COL15A1: variants seen among roughly 807,000 people sequenced by gnomAD.
COL15A1 encodes collagen type XV alpha 1 chain.
In COL15A1, 111 loss-of-function variants were observed where a neutral mutation model predicts 165.9. The observed-to-expected ratio is 0.67, with a 90% CI of 0.57 to 0.78. The LOEUF is 0.78. Among genes scored for constraint, COL15A1 ranks in the 30% least tolerant of loss-of-function variants. The probability of loss-of-function intolerance (pLI) is 0.00; values close to 1 mark genes in which losing one functional copy is unlikely to be tolerated. For synonymous variants in COL15A1, 659 were observed against 674.8 expected (o/e 0.98, Z 0.36); for missense variants, 1,745 against 1,789.7 (o/e 0.98, Z 0.45).
chr9:99,060,358 G>A (rs1288765748), intron 36 of COL15A1, among the ~76,000 whole-genome samples: 1 of 150,506 alleles, frequency 6.6e-6, no homozygotes, highest in Non-Finnish European at 1.5e-5. Flanking sequence ...ACCTCCCTGA[G>A]CTCAGGTAAT....
chr9:99,036,799 C>T (rs1222736187), intron 21 of COL15A1, among the ~76,000 whole-genome samples: 1 of 152,236 alleles, frequency 6.6e-6, no homozygotes, highest in African/African-American at 2.4e-5. Context: ...AAGGCCTTCA[C>T]CCAGTGGGAG....
In COL15A1 at chr9:99,070,015, C is replaced by A. The variant is rs1825960617; in HGVS notation, c.*129C>A. ...TTTTACTACATATTCTTTACAACAG[C>A]AACCAAAGAAAACATACCTCAATAC... On this transcript the variant is annotated 3_prime_UTR_variant, in exon 42 of 42. Coordinates refer to ENST00000375001, the MANE Select transcript of COL15A1 (RefSeq NM_001855.5). 2.4e-5 allele frequency: 18 copies of A among 736,246 alleles called. No individual in the cohort carries two copies. In the South Asian group the frequency reaches 3.4e-4, roughly 14 times the overall value. The allele number at this position is 736,246 out of a possible 1,614,324, so 45.6% of individuals were successfully genotyped here.
At chr9:99,025,809 AC>A in intron 15 of COL15A1, 94 bp from the exon 16 acceptor site, 1 of 1,361,450 alleles carries the variant, frequency 7.3e-7, no homozygotes. Flanking sequence ...CACCAGCCTC[AC>A]CTGCCTCCCA....
intron 2 of COL15A1, among the ~76,000 whole-genome samples, chr9:98,965,631 C>A (rs561628943): frequency 7.2e-5 from 11 of 152,180 alleles, no homozygotes; most frequent in Non-Finnish European, 1.6e-4. Context: ...CCTTGTTTTC[C>A]TAATTGTGTG....
At chr9:98,980,617 C>A (rs1838222056) in intron 2 of COL15A1, among the ~76,000 whole-genome samples, 1 of 152,208 alleles carries the variant, frequency 6.6e-6, no homozygotes, top group South Asian at 2.1e-4. Flanking sequence ...GCCTGGTCAG[C>A]CCTGGCCCTG....
chr9:99,059,449 A>C (rs112053546), intron 35 of COL15A1, among the ~76,000 whole-genome samples: 3,549 of 152,118 alleles, frequency 0.023, 126 homozygotes, highest in African/African-American at 0.079. Context: ...TCACTGCACC[A>C]CCCTGGTCTC....
chr9:98,972,253 T>C (rs993405254), intron 2 of COL15A1, among the ~76,000 whole-genome samples: 1 of 152,134 alleles, frequency 6.6e-6, no homozygotes, highest in African/African-American at 2.4e-5. Flanking sequence ...CCCAGGCAGT[T>C]AGCCCTTACC....
chr9:99,050,886 C>T (rs1421699277), intron 30 of COL15A1, among the ~76,000 whole-genome samples: 1 of 152,212 alleles, frequency 6.6e-6, no homozygotes, highest in Non-Finnish European at 1.5e-5. Context: ...CTGGCTAAGT[C>T]TAAACGTTGA....
chr9:99,068,607 A>T lies in COL15A1; in HGVS notation c.3890A>T (p.Gln1297Leu). 6.4e-7 allele frequency: 1 copy of T among 1,552,748 alleles called. No homozygotes were observed. Among genetic ancestry groups the T allele is most frequent in the Non-Finnish European group, 8.6e-7 (1 of 1,159,364 alleles). Residue 1297 changes from glutamine to leucine, a missense_variant, in exon 41 of 42, where the codon CAG becomes CTG. By Grantham distance (113) the Gln-to-Leu change is moderately radical. Transcript: ENST00000375001. ...TCAATTTTTTCTGGCCACGGAGGTC[A>T]GTTCAATATGCATATTCCAATATAC... ...WDSIFSGHGG[Q>L]FNMHIPIYSF...
intron 5 of COL15A1, among the ~76,000 whole-genome samples, chr9:98,995,515 C>T (rs1194589519): frequency 2.0e-5 from 3 of 152,186 alleles, no homozygotes; most frequent in Non-Finnish European, 4.4e-5. Flanking sequence ...ACCAGCTCCT[C>T]CCTCTGCCTG....
At chr9:99,048,329 CACA>C (rs1839527763) in intron 28 of COL15A1, among the ~76,000 whole-genome samples, 1 of 152,102 alleles carries the variant, frequency 6.6e-6, no homozygotes, top group Admixed American at 6.5e-5. Context: ...CCCTCCTTTA[CACA>C]GTCCCAGGGA....
chr9:99,063,437 T>C (rs1825848909), intron 39 of COL15A1, among the ~76,000 whole-genome samples: 1 of 152,116 alleles, frequency 6.6e-6, no homozygotes, highest in Non-Finnish European at 1.5e-5. Flanking sequence ...GGAAGGGCTG[T>C]GCATTCCTGT....
At chr9:98,983,941 G>A (rs543779820) in intron 2 of COL15A1, among the ~76,000 whole-genome samples, 2 of 152,302 alleles carry the variant, frequency 1.3e-5, no homozygotes, top group African/African-American at 2.4e-5. Flanking sequence ...CCTCAGGTAG[G>A]GCTTTCCTTA....
chr9:99,070,377 T>G lies in COL15A1; in HGVS notation c.*491T>G, dbSNP rs940290303. 1.5e-5 allele frequency: 4 copies of G among 268,590 alleles called. No individual in the cohort carries two copies. Among genetic ancestry groups the G allele is most frequent in the Non-Finnish European group, 3.0e-5 (4 of 135,466 alleles). 16.6% of individuals were successfully genotyped at this position (268,590 alleles called of 1,614,324 possible). The stretch of plus-strand genomic sequence containing the variant: ...TGCTGTTCGTACACAGAAACAGGAC[T>G]GCTCAAATGATCCTATTTGTATTTT... On this transcript the variant is annotated 3_prime_UTR_variant, in exon 42 of 42. Coordinates refer to ENST00000375001, the MANE Select transcript of COL15A1 (RefSeq NM_001855.5).
At position 99,050,330 on chromosome 9, in the gene COL15A1, C is replaced by A. The variant is rs183059461; in HGVS notation, c.2904+435C>A. 1.1e-3 allele frequency among the ~76,000 whole-genome samples: 171 copies of A among 152,318 alleles called. 3 individuals are homozygous for A. The highest frequency in any genetic ancestry group is 9.9e-3 in the Admixed American group (151 of 15,300). Reference sequence around the variant, plus strand: ...ATCACTGCACCGCACACAACACTGACAGGCAGGGCTGATCTCTCCCATTTT... The same window carrying A: ...ATCACTGCACCGCACACAACACTGAAAGGCAGGGCTGATCTCTCCCATTTT... On this transcript the variant is annotated intron_variant, in intron 30 of 41. Coordinates refer to ENST00000375001, the MANE Select transcript of COL15A1 (RefSeq NM_001855.5).
intron 2 of COL15A1, among the ~76,000 whole-genome samples, chr9:98,960,839 T>C (rs1293418442): frequency 6.6e-6 from 1 of 152,228 alleles, no homozygotes; most frequent in East Asian, 1.9e-4. Context: ...GTGCCTAAGC[T>C]GTCCTGTGTC....
At chr9:99,033,300 T>C (rs142601833) in intron 16 of COL15A1, among the ~76,000 whole-genome samples, 22 of 152,238 alleles carry the variant, frequency 1.4e-4, no homozygotes, top group African/African-American at 5.3e-4. Context: ...TTCCTAGTCA[T>C]CTGGGGCTCT....
intron 4 of COL15A1, among the ~76,000 whole-genome samples, chr9:98,988,413 G>A (rs768310592): frequency 2.0e-5 from 3 of 152,180 alleles, no homozygotes; most frequent in South Asian, 4.1e-4. Flanking sequence ...ACAGCACTCG[G>A]GCTCCTTGTC....
chr9:99,067,737 C>T (rs778672929), intron 40 of COL15A1, among the ~76,000 whole-genome samples: 1 of 152,204 alleles, frequency 6.6e-6, no homozygotes, highest in Non-Finnish European at 1.5e-5. Context: ...ATCCTAACCC[C>T]ATACCCAGCA....
Sources: gnomAD v4.1 joint callset for allele counts (sites outside exome capture counted in the v4.1 genomes callset) on GRCh38, gnomAD v4.1.1 for gene constraint, MANE v1.5 for transcripts, NCBI Gene and HGNC (gene_info 2026-07-23, HGNC 2026-07-21) for gene names.